The following ZDHHC21 variants were observed in gnomAD, a reference collection of about 807,000 sequenced individuals.
ZDHHC21 encodes the protein palmitoyltransferase ZDHHC21.
ZDHHC21 carries 15 observed loss-of-function variants against 34.6 expected under a neutral mutation model. The observed-to-expected ratio is 0.43, with a 90% CI of 0.29 to 0.67. The LOEUF (loss-of-function observed/expected upper bound fraction) is 0.67. Ranked by LOEUF, ZDHHC21 falls within the 30% of genes least tolerant of loss-of-function variation. The pLI, the probability that ZDHHC21 is intolerant of heterozygous loss-of-function variation, is 0.14. For missense variants in ZDHHC21, 344 were observed against 327.7 expected (o/e 1.05, Z -0.38); for synonymous variants, 142 against 101.8 (o/e 1.40, Z -2.38).
In ZDHHC21 at chr9:14,690,387, T is replaced by A; in HGVS notation, c.-224-2A>T. The A allele has an allele frequency of 2.2e-6, 1 of 455,780 alleles. No homozygotes were observed. Among genetic ancestry groups the A allele is most frequent in the South Asian group, 1.6e-5 (1 of 64,276 alleles). The allele number at this position is 455,780 out of a possible 1,614,324, so 28.2% of individuals were successfully genotyped here. A position where few individuals can be genotyped will look rare whatever the true frequency, so the allele number is the denominator to read the frequency against. ...CAGTAAGTGAAAAAGTTCTTCATTC[T>A]GTAATTACAGATAAAAAGCTTAAAA... On this transcript the variant is annotated splice_acceptor_variant, in intron 1 of 9. Transcript: ENST00000380916. LOFTEE classifies it low-confidence loss of function (5UTR_SPLICE).
At chr9:14,649,802 C>A (rs188060785) in intron 7 of ZDHHC21, among the ~76,000 whole-genome samples, 1 of 152,108 alleles carries the variant, frequency 6.6e-6, no homozygotes, top group Non-Finnish European at 1.5e-5. Flanking sequence ...TTTTGTCTGC[C>A]TGACCATATT....
chr9:14,649,577 A>G (rs559922749), intron 7 of ZDHHC21, among the ~76,000 whole-genome samples: 1 of 152,238 alleles, frequency 6.6e-6, no homozygotes, highest in African/African-American at 2.4e-5. Context: ...GCTCAGGTAA[A>G]ATGTACTTTT....
At chr9:14,633,867 C>A (rs558873644) in intron 8 of ZDHHC21, among the ~76,000 whole-genome samples, 26 of 152,308 alleles carry the variant, frequency 1.7e-4, no homozygotes, top group African/African-American at 5.5e-4. Flanking sequence ...CCCGTCCTCC[C>A]CAGTAGCAGG....
the ZDHHC21 span, among the ~76,000 whole-genome samples, chr9:14,605,746 C>T: frequency 1.3e-5 from 2 of 152,120 alleles, no homozygotes; most frequent in Non-Finnish European, 2.9e-5. Context: ...GTGTTATCTC[C>T]AAGAAGTCAA....
At chr9:14,691,560 A>C (rs1839152883) in intron 1 of ZDHHC21, among the ~76,000 whole-genome samples, 1 of 152,234 alleles carries the variant, frequency 6.6e-6, no homozygotes, top group African/African-American at 2.4e-5. Context: ...TAAGCTGATT[A>C]TATGTCTGCA....
At chr9:14,657,091 T>C (rs936832207) in intron 7 of ZDHHC21, among the ~76,000 whole-genome samples, 4 of 152,086 alleles carry the variant, frequency 2.6e-5, no homozygotes, top group African/African-American at 9.6e-5. Context: ...CTCCAGTTTC[T>C]ACCTTTCATT....
the ZDHHC21 span, among the ~76,000 whole-genome samples, chr9:14,605,810 G>T: frequency 6.6e-6 from 1 of 152,120 alleles, no homozygotes; most frequent in Non-Finnish European, 1.5e-5. Context: ...TATACTGTCA[G>T]ATCTTATGTG....
intron 6 of ZDHHC21, among the ~76,000 whole-genome samples, chr9:14,659,692 G>A (rs1317375425): frequency 1.3e-5 from 2 of 152,168 alleles, no homozygotes; most frequent in African/African-American, 2.4e-5. Context: ...ACAGGTTTCG[G>A]TCCTAACTTA....
At chr9:14,658,954 G>A (rs1832868127) in intron 6 of ZDHHC21, 67 bp from the exon 7 acceptor site, 2 of 1,496,940 alleles carry the variant, frequency 1.3e-6, no homozygotes, top group Non-Finnish European at 1.8e-6. Context: ...GGATCAATAA[G>A]ACTAAATTAA....
intron 3 of ZDHHC21, among the ~76,000 whole-genome samples, chr9:14,679,369 C>A (rs1436346813): frequency 6.6e-6 from 1 of 152,112 alleles, no homozygotes; most frequent in Non-Finnish European, 1.5e-5. Context: ...TCTTCCAATG[C>A]TTCTGTTTGA....
chr9:14,681,264 G>T (rs1331976607), intron 2 of ZDHHC21, among the ~76,000 whole-genome samples: 1 of 151,922 alleles, frequency 6.6e-6, no homozygotes, highest in South Asian at 2.1e-4. Context: ...TCACTATGTT[G>T]CCCAGACTGG....
At chr9:14,689,995 G>A (rs1365328848) in intron 2 of ZDHHC21, among the ~76,000 whole-genome samples, 2 of 152,170 alleles carry the variant, frequency 1.3e-5, no homozygotes, top group African/African-American at 4.8e-5. Flanking sequence ...TTTCATTAGG[G>A]AGATAGGAGT....
intron 8 of ZDHHC21, among the ~76,000 whole-genome samples, chr9:14,638,591 A>G (rs1168531593): frequency 6.6e-6 from 1 of 152,040 alleles, no homozygotes; most frequent in Non-Finnish European, 1.5e-5. Flanking sequence ...CATTGAAGAG[A>G]CAACCTGTAG....
At chr9:14,664,673 G>A (rs972443491) in intron 5 of ZDHHC21, among the ~76,000 whole-genome samples, 6 of 151,814 alleles carry the variant, frequency 4.0e-5, no homozygotes, top group Admixed American at 6.6e-5. Flanking sequence ...CTGGCAGACT[G>A]CCTCCTCAAG....
At chr9:14,623,784 T>C (rs1825733019) in intron 8 of ZDHHC21, among the ~76,000 whole-genome samples, 1 of 151,904 alleles carries the variant, frequency 6.6e-6, no homozygotes, top group African/African-American at 2.4e-5. Flanking sequence ...AAAACCACAA[T>C]GGGAAATCAT....
chr9:14,652,132 G>A (rs1319158304), intron 7 of ZDHHC21, among the ~76,000 whole-genome samples: 1 of 151,836 alleles, frequency 6.6e-6, no homozygotes, highest in Non-Finnish European at 1.5e-5. Context: ...AACAAAAAAT[G>A]TTTAATTTAT....
the ZDHHC21 span, among the ~76,000 whole-genome samples, chr9:14,591,670 C>T: frequency 3.3e-5 from 5 of 152,246 alleles, no homozygotes; most frequent in East Asian, 1.9e-4. Flanking sequence ...GACATAACAT[C>T]AGTCTTTACT....
At chr9:14,593,423 T>C in the ZDHHC21 span, among the ~76,000 whole-genome samples, 6 of 152,120 alleles carry the variant, frequency 3.9e-5, no homozygotes, top group African/African-American at 9.7e-5. Context: ...AGAAAATACA[T>C]AAATTTCCAA....
chr9:14,603,716 T>C, the ZDHHC21 span, among the ~76,000 whole-genome samples: 2 of 152,184 alleles, frequency 1.3e-5, no homozygotes, highest in East Asian at 1.9e-4. Flanking sequence ...ATAAGGACTT[T>C]ACAAATTTAT....
Sources: gnomAD v4.1 joint callset for allele counts (sites outside exome capture counted in the v4.1 genomes callset) on GRCh38, gnomAD v4.1.1 for gene constraint, MANE v1.5 for transcripts, NCBI Gene and HGNC (gene_info 2026-07-23, HGNC 2026-07-21) for gene names.